ATE1: variants seen among roughly 807,000 people sequenced by gnomAD.
ATE1 encodes arginyltransferase 1.
Under a neutral mutation model 70.5 loss-of-function variants are expected in ATE1, and 36 were observed. That is an observed-to-expected ratio of 0.51 (90% CI 0.39 to 0.67). The LOEUF is 0.67. Among genes scored for constraint, ATE1 ranks in the 30% least tolerant of loss-of-function variants. The pLI is 0.00. For synonymous variants in ATE1, 232 were observed against 219.3 expected (o/e 1.06, Z -0.51); for missense variants, 593 against 629.5 (o/e 0.94, Z 0.62).
At chr10:121,790,952 G>GTATA (rs142004935) in intron 10 of ATE1, among the ~76,000 whole-genome samples, 3 of 5,916 alleles carry the variant, frequency 5.1e-4, no homozygotes, top group African/African-American at 8.8e-4. Flanking sequence ...ATATATATGT[G>GTATA]TATATATATA....
intron 8 of ATE1, among the ~76,000 whole-genome samples, chr10:121,852,054 TA>T (rs1590498263): frequency 6.6e-6 from 1 of 152,220 alleles, no homozygotes; most frequent in East Asian, 1.9e-4. Context: ...GTACCTTAGC[TA>T]TGCCCAGAAC....
chr10:121,886,970 A>G (rs767910336), intron 7 of ATE1, among the ~76,000 whole-genome samples: 1 of 152,238 alleles, frequency 6.6e-6, no homozygotes, highest in Admixed American at 6.5e-5. Flanking sequence ...AGGAAAAAAA[A>G]TAAAGATGAA....
rs541968776 is a variant in ATE1 at position 121,895,254 on chromosome 10, T to C, written c.942+4612A>G. Reference sequence around the variant, plus strand: ...ACGTATACACCCAAGAAAATACACATCCACATAAAAACGTGAACGTGAAAT... The same window carrying C: ...ACGTATACACCCAAGAAAATACACACCCACATAAAAACGTGAACGTGAAAT... On this transcript the variant is annotated intron_variant, in intron 7 of 11. Coordinates refer to ENST00000224652, the MANE Select transcript of ATE1 (RefSeq NM_001001976.3). 3.9e-5 allele frequency among the ~76,000 whole-genome samples: 6 copies of C among 152,184 alleles called. No individual in the cohort carries two copies. In the East Asian group the frequency reaches 1.2e-3, roughly 29 times the overall value.
chr10:121,804,217 T>C (rs758760350), intron 10 of ATE1, among the ~76,000 whole-genome samples: 1 of 152,200 alleles, frequency 6.6e-6, no homozygotes, highest in Non-Finnish European at 1.5e-5. Context: ...TTTAAATTAT[T>C]GTGGAGAAAG....
chr10:121,875,432 G>A (rs1423384932), intron 7 of ATE1, among the ~76,000 whole-genome samples: 1 of 150,900 alleles, frequency 6.6e-6, no homozygotes, highest in Non-Finnish European at 1.5e-5. Flanking sequence ...AGCCTCCCGA[G>A]TAGCTAGGAT....
intron 8 of ATE1, among the ~76,000 whole-genome samples, chr10:121,845,910 C>T (rs1948801833): frequency 6.6e-6 from 1 of 152,088 alleles, no homozygotes; most frequent in Non-Finnish European, 1.5e-5. Flanking sequence ...TATGCATTAG[C>T]ATACACACAT....
In ATE1 at chr10:121,742,415, TAA is replaced by T. The variant is rs3834907; in HGVS notation, c.*1263_*1264del. 24,584 of 152,122 alleles carry T rather than the reference TAA, an allele frequency of 0.16. 2,465 individuals are homozygous for T. The highest frequency in any genetic ancestry group is 0.5 in the East Asian group (2,579 of 5,156). 9.4% of individuals were successfully genotyped at this position (152,122 alleles called of 1,614,324 possible). On this transcript the variant is annotated 3_prime_UTR_variant, in exon 12 of 12. Transcript: ENST00000224652. ...ACAGAAAAATGGGCAAAGTGGGGAC[TAA>T]AAACGGCTTGCTGGCCAAATAGCTG...
At chr10:121,921,535 C>T (rs1029981642) in intron 3 of ATE1, among the ~76,000 whole-genome samples, 1 of 101,038 alleles carries the variant, frequency 9.9e-6, no homozygotes, top group African/African-American at 3.9e-5. Flanking sequence ...GATTCCTGTT[C>T]TCTGTAACTA....
chr10:121,870,961 A>G (rs1949834489), intron 7 of ATE1, among the ~76,000 whole-genome samples: 1 of 152,194 alleles, frequency 6.6e-6, no homozygotes, highest in Admixed American at 6.6e-5. Flanking sequence ...ACTACAATAA[A>G]ATACAATGAC....
At chr10:121,884,402 C>T (rs1225462044) in intron 7 of ATE1, among the ~76,000 whole-genome samples, 1 of 151,972 alleles carries the variant, frequency 6.6e-6, no homozygotes, top group African/African-American at 2.4e-5. Context: ...GAGTTCAAGA[C>T]CAGGCTGGGC....
chr10:121,911,187 G>C (rs1363774405), intron 4 of ATE1, 36 bp from the exon 5 acceptor site: 2 of 1,593,184 alleles, frequency 1.3e-6, no homozygotes, highest in Non-Finnish European at 1.7e-6. Context: ...CCATCAGCTG[G>C]GTTATTTGAT....
chr10:121,792,955 CA>C (rs1590315563), intron 10 of ATE1, among the ~76,000 whole-genome samples: 1 of 151,870 alleles, frequency 6.6e-6, no homozygotes, highest in African/African-American at 2.4e-5. Context: ...AAATTATCTT[CA>C]AAAAAACTAC....
intron 7 of ATE1, among the ~76,000 whole-genome samples, chr10:121,890,240 A>G (rs370323204): frequency 5.9e-5 from 9 of 152,210 alleles, no homozygotes; most frequent in Admixed American, 1.3e-4. Flanking sequence ...ATTAAACACT[A>G]TATCTTTTAA....
At chr10:121,798,811 A>G (rs1281160593) in intron 10 of ATE1, among the ~76,000 whole-genome samples, 1 of 151,924 alleles carries the variant, frequency 6.6e-6, no homozygotes, top group Non-Finnish European at 1.5e-5. Context: ...AGGCAGGAGG[A>G]TCACCTGAAC....
At chr10:121,905,342 T>C (rs1286566924) in intron 5 of ATE1, among the ~76,000 whole-genome samples, 3 of 152,246 alleles carry the variant, frequency 2.0e-5, no homozygotes, top group Non-Finnish European at 4.4e-5. Flanking sequence ...TTCCATTTTC[T>C]ATACTGAAAA....
At chr10:121,897,476 T>C (rs1341923552) in intron 7 of ATE1, among the ~76,000 whole-genome samples, 1 of 152,178 alleles carries the variant, frequency 6.6e-6, no homozygotes, top group Non-Finnish European at 1.5e-5. Flanking sequence ...ACAGGGAACC[T>C]AGGACATAGC....
intron 5 of ATE1, among the ~76,000 whole-genome samples, chr10:121,910,646 AAGT>A (rs71956707): frequency 0.13 from 20,100 of 152,158 alleles, 1,515 homozygotes; most frequent in East Asian, 0.19. Context: ...TAAGGCCCTA[AAGT>A]AGTAAGTAGA....
intron 7 of ATE1, among the ~76,000 whole-genome samples, chr10:121,879,361 G>A (rs184229974): frequency 1.3e-5 from 2 of 152,118 alleles, no homozygotes; most frequent in South Asian, 2.1e-4. Flanking sequence ...CTTCCACCAC[G>A]CTGTCCCTCA....
At chr10:121,784,633 G>A (rs1946133460) in intron 11 of ATE1, among the ~76,000 whole-genome samples, 1 of 152,142 alleles carries the variant, frequency 6.6e-6, no homozygotes, top group South Asian at 2.1e-4. Flanking sequence ...AGAGGCGGGT[G>A]GATCGCCTGA....
Sources: allele counts gnomAD v4.1 joint callset (sites outside exome capture counted in the v4.1 genomes callset), GRCh38; gene constraint gnomAD v4.1.1; transcripts MANE v1.5; gene names NCBI Gene and HGNC (gene_info 2026-07-23, HGNC 2026-07-21).